HMGCLL1: variants seen among roughly 807,000 people sequenced by gnomAD.
HMGCLL1 encodes 3-hydroxymethyl-3-methylglutaryl-CoA lyase, cytoplasmic.
HMGCLL1 carries 36 observed loss-of-function variants against 39.1 expected under a neutral mutation model. That is an observed-to-expected ratio of 0.92 (90% CI 0.71 to 1.22). HMGCLL1 has a LOEUF of 1.22. Ranked by LOEUF, HMGCLL1 falls within the 50% of genes most tolerant of loss-of-function variation. HMGCLL1 has a pLI of 0.00. For synonymous variants in HMGCLL1, 149 were observed against 144.0 expected (o/e 1.03, Z -0.25); for missense variants, 451 against 416.5 (o/e 1.08, Z -0.72).
At chr6:55,616,235 T>G in the HMGCLL1 span, among the ~76,000 whole-genome samples, 1 of 152,116 alleles carries the variant, frequency 6.6e-6, no homozygotes, top group East Asian at 1.9e-4. Context: ...TTCACAAACA[T>G]GATACAAAAT....
intron 1 of HMGCLL1, among the ~76,000 whole-genome samples, chr6:55,555,264 A>G (rs1255533126): frequency 6.6e-6 from 1 of 152,092 alleles, no homozygotes; most frequent in Non-Finnish European, 1.5e-5. Flanking sequence ...CTTCCCCTAT[A>G]TATATCTGTG....
At chr6:55,484,683 C>G (rs1765921530) in intron 7 of HMGCLL1, among the ~76,000 whole-genome samples, 1 of 152,132 alleles carries the variant, frequency 6.6e-6, no homozygotes, top group Admixed American at 6.6e-5. Flanking sequence ...ACATCTAATT[C>G]ATCATGAAAT....
At chr6:55,546,016 T>A (rs559948873) in intron 1 of HMGCLL1, among the ~76,000 whole-genome samples, 2 of 152,272 alleles carry the variant, frequency 1.3e-5, no homozygotes, top group East Asian at 1.9e-4. Context: ...TAGGCATACC[T>A]GCCCTTTGCC....
At chr6:55,607,391 T>G in the HMGCLL1 span, among the ~76,000 whole-genome samples, 1 of 152,132 alleles carries the variant, frequency 6.6e-6, no homozygotes, top group Non-Finnish European at 1.5e-5. Context: ...GATGAGCAGG[T>G]AATGTGGTGG....
intron 7 of HMGCLL1, among the ~76,000 whole-genome samples, chr6:55,452,163 A>C (rs972649112): frequency 2.0e-5 from 3 of 152,160 alleles, no homozygotes; most frequent in African/African-American, 7.2e-5. Context: ...ATTTGAGTGG[A>C]TCACTACCTA....
In HMGCLL1 at chr6:55,579,059, G is replaced by A. The variant is rs765761965; in HGVS notation, c.-4C>T. ...CCGCGGATGGCACATTCCCCATGGC[G>A]GAGCCTGGGGCGGCAGTCGGCGAGG... On this transcript the variant is annotated 5_prime_UTR_variant, in exon 1 of 9. Coordinates refer to ENST00000274901, the MANE Select transcript of HMGCLL1 (RefSeq NM_001042406.2). The A allele has an allele frequency of 6.9e-6, 11 of 1,599,616 alleles. No homozygotes were observed. In the Admixed American group the frequency reaches 1.2e-4, roughly 17 times the overall value.
the HMGCLL1 span, among the ~76,000 whole-genome samples, chr6:55,655,991 C>T: frequency 5.9e-5 from 9 of 151,940 alleles, no homozygotes; most frequent in African/African-American, 2.2e-4. Context: ...AAGGTAATCT[C>T]ATATATTCTC....
chr6:55,664,880 C>T, the HMGCLL1 span, among the ~76,000 whole-genome samples: 1 of 151,602 alleles, frequency 6.6e-6, no homozygotes, highest in Non-Finnish European at 1.5e-5. Flanking sequence ...TGGCAGCTGG[C>T]CTTTCCTAGA....
the HMGCLL1 span, among the ~76,000 whole-genome samples, chr6:55,612,032 A>G: frequency 6.6e-6 from 1 of 151,698 alleles, no homozygotes; most frequent in African/African-American, 2.4e-5. Flanking sequence ...TTTGTAGATG[A>G]CTTTATCTAG....
rs1040240094 is a variant in HMGCLL1 at position 55,487,686 on chromosome 6, C to T, written c.795+7733G>A. The stretch of plus-strand genomic sequence containing the variant: ...GTGTATGTGCCACATTTTCTTAATC[C>T]AGTCTATCATTGATCTTTACAGTAC... On this transcript the variant is annotated intron_variant, in intron 7 of 8. Transcript: ENST00000274901. Among the ~76,000 whole-genome samples the T allele has an allele frequency of 3.3e-5, 5 of 152,108 alleles. No homozygotes were observed. In the South Asian group the frequency reaches 1.0e-3, roughly 32 times the overall value.
the HMGCLL1 span, among the ~76,000 whole-genome samples, chr6:55,635,810 C>T: frequency 2.0e-5 from 3 of 152,116 alleles, no homozygotes; most frequent in African/African-American, 7.2e-5. Context: ...TGATGCTGGC[C>T]ATTGCTGAAC....
At chr6:55,657,927 G>T in the HMGCLL1 span, among the ~76,000 whole-genome samples, 31 of 151,950 alleles carry the variant, frequency 2.0e-4, no homozygotes, top group Admixed American at 1.4e-3. Flanking sequence ...GTGGAAGGAG[G>T]GGGGAGGATC....
intron 7 of HMGCLL1, among the ~76,000 whole-genome samples, chr6:55,447,483 G>A (rs1171220934): frequency 4.0e-5 from 6 of 151,820 alleles, no homozygotes; most frequent in African/African-American, 1.5e-4. Flanking sequence ...ATTCCTAAAT[G>A]CTTCACTCCT....
At chr6:55,557,939 T>C (rs1231942854) in intron 1 of HMGCLL1, among the ~76,000 whole-genome samples, 1 of 152,176 alleles carries the variant, frequency 6.6e-6, no homozygotes, top group Non-Finnish European at 1.5e-5. Context: ...AACAGGATAC[T>C]TAAATAAAAG....
chr6:55,445,492 T>C (rs1158946340), intron 7 of HMGCLL1, among the ~76,000 whole-genome samples: 1 of 152,086 alleles, frequency 6.6e-6, no homozygotes, highest in Non-Finnish European at 1.5e-5. Context: ...TACTTAACCA[T>C]TGAAATCATA....
At chr6:55,622,528 A>G in the HMGCLL1 span, among the ~76,000 whole-genome samples, 4 of 152,010 alleles carry the variant, frequency 2.6e-5, no homozygotes, top group Non-Finnish European at 4.4e-5. Context: ...TGAGATGATC[A>G]TATAGTTTTT....
chr6:55,511,928 C>T (rs1307740973), intron 5 of HMGCLL1: 2 of 152,056 alleles, frequency 1.3e-5, no homozygotes, highest in Non-Finnish European at 2.9e-5. Context: ...GTCTATAATT[C>T]TACAGTAAAG....
chr6:55,580,104 G>A (rs1017310056), upstream of HMGCLL1, among the ~76,000 whole-genome samples: 1 of 152,000 alleles, frequency 6.6e-6, no homozygotes, highest in Non-Finnish European at 1.5e-5. Flanking sequence ...GTGGCTGATG[G>A]AGCAAATGTA....
intron 1 of HMGCLL1, among the ~76,000 whole-genome samples, chr6:55,572,956 A>C (rs994097170): frequency 2.6e-5 from 4 of 152,202 alleles, no homozygotes; most frequent in African/African-American, 9.6e-5. Context: ...TTTCTTTTTG[A>C]GGCATTTGCC....
Sources: allele counts gnomAD v4.1 joint callset (sites outside exome capture counted in the v4.1 genomes callset), GRCh38; gene constraint gnomAD v4.1.1; transcripts MANE v1.5; gene names NCBI Gene and HGNC (gene_info 2026-07-23, HGNC 2026-07-21).